The following CSMD3 variants were observed in gnomAD, a reference collection of about 807,000 sequenced individuals.
The protein encoded by CSMD3 is CUB and sushi domain-containing protein 3.
CSMD3 carries 177 observed loss-of-function variants against 435.2 expected under a neutral mutation model. The ratio of observed to expected loss-of-function variants is 0.41; its 90% confidence interval spans 0.36 to 0.46. CSMD3 has a LOEUF of 0.46. Among genes scored for constraint, CSMD3 ranks in the 20% least tolerant of loss-of-function variants. The pLI, the probability that CSMD3 is intolerant of heterozygous loss-of-function variation, is 0.34. For missense variants in CSMD3, 4,265 were observed against 4,504.6 expected, an observed-to-expected ratio of 0.95 and a Z score of 1.52; for synonymous variants, 1,656 against 1,520.5, an observed-to-expected ratio of 1.09 and a Z score of -2.07.
chr8:112,899,598 T>C (rs1240778144), intron 10 of CSMD3, among the ~76,000 whole-genome samples: 1 of 44,338 alleles, frequency 2.3e-5, no homozygotes, highest in East Asian at 1.0e-3. Context: ...GCTTGTCTAT[T>C]TTATATATAT....
intron 4 of CSMD3, among the ~76,000 whole-genome samples, chr8:113,161,486 C>T (rs1461341183): frequency 6.6e-6 from 1 of 151,964 alleles, no homozygotes; most frequent in Non-Finnish European, 1.5e-5. Context: ...AGTATATAAA[C>T]TTAAATATAT....
intron 32 of CSMD3, among the ~76,000 whole-genome samples, chr8:112,411,813 A>T (rs1239348042): frequency 6.6e-6 from 1 of 152,120 alleles, no homozygotes; most frequent in Non-Finnish European, 1.5e-5. Context: ...AAATGTTCTG[A>T]ATAGCCAAAG....
intron 5 of CSMD3, among the ~76,000 whole-genome samples, chr8:113,067,084 A>G (rs570310827): frequency 7.9e-5 from 12 of 152,098 alleles, no homozygotes; most frequent in Non-Finnish European, 1.0e-4. Context: ...GAGAATTCCA[A>G]TATTTTTTGT....
intron 17 of CSMD3, among the ~76,000 whole-genome samples, 170 bp downstream of exon 17, chr8:112,666,107 C>G (rs1440549834): frequency 6.6e-6 from 1 of 152,088 alleles, no homozygotes; most frequent in Non-Finnish European, 1.5e-5. Flanking sequence ...AGAAAATTAA[C>G]TTGGAAACAC....
intron 23 of CSMD3, among the ~76,000 whole-genome samples, chr8:112,582,367 C>T (rs189551764): frequency 7.2e-5 from 11 of 151,796 alleles, no homozygotes; most frequent in African/African-American, 2.7e-4. Flanking sequence ...ACCTCTTTTC[C>T]TTATATATTA....
chr8:113,005,177 T>C (rs2086011326), intron 6 of CSMD3, among the ~76,000 whole-genome samples: 1 of 151,844 alleles, frequency 6.6e-6, no homozygotes, highest in Non-Finnish European at 1.5e-5. Context: ...AGTCATTTGG[T>C]AAACCTAGAA....
chr8:113,422,352 A>T (rs1036615952), intron 1 of CSMD3, among the ~76,000 whole-genome samples: 3 of 152,222 alleles, frequency 2.0e-5, no homozygotes, highest in Non-Finnish European at 4.4e-5. Context: ...ATGCATGTGT[A>T]GCAAATCTGC....
At chr8:113,273,372 C>A (rs7001577) in intron 3 of CSMD3, among the ~76,000 whole-genome samples, 1 of 151,374 alleles carries the variant, frequency 6.6e-6, no homozygotes, top group Non-Finnish European at 1.5e-5. Context: ...TTGTTTTTTG[C>A]GGTTTCAGTT....
chr8:113,347,791 A>T (rs889852315), intron 1 of CSMD3, among the ~76,000 whole-genome samples: 3 of 152,144 alleles, frequency 2.0e-5, no homozygotes, highest in Admixed American at 2.0e-4. Context: ...ATGTTAAACA[A>T]ATAACGTTTT....
At chr8:112,917,758 G>C (rs1340254537) in intron 10 of CSMD3, among the ~76,000 whole-genome samples, 1 of 151,930 alleles carries the variant, frequency 6.6e-6, no homozygotes, top group African/African-American at 2.4e-5. Flanking sequence ...AAGTTTAGGA[G>C]TGCTTCTAGA....
chr8:112,257,829 C>A (rs990045683), intron 61 of CSMD3, among the ~76,000 whole-genome samples: 1 of 152,152 alleles, frequency 6.6e-6, no homozygotes, highest in African/African-American at 2.4e-5. Flanking sequence ...CCAAGATAAT[C>A]CTAAGCAAGA....
chr8:112,632,171 AC>A (rs1419090775), intron 22 of CSMD3, among the ~76,000 whole-genome samples: 1 of 152,022 alleles, frequency 6.6e-6, no homozygotes, highest in Non-Finnish European at 1.5e-5. Flanking sequence ...TTTTAGGTTA[AC>A]AGAGAAGTTA....
chr8:112,466,039 T>C (rs930014676), intron 32 of CSMD3, among the ~76,000 whole-genome samples: 7 of 150,664 alleles, frequency 4.6e-5, no homozygotes, highest in African/African-American at 1.5e-4. Context: ...TAATGACAAA[T>C]AGTAAACGCA....
intron 10 of CSMD3, among the ~76,000 whole-genome samples, chr8:112,897,694 C>CTCTGTGTGTG (rs1277884675): frequency 1.6e-4 from 15 of 91,038 alleles, no homozygotes; most frequent in African/African-American, 6.1e-4. Flanking sequence ...CTCTCTCTCT[C>CTCTGTGTGTG]TGTGTGTGTG....
At chr8:112,810,780 A>G (rs1587363532) in intron 12 of CSMD3, among the ~76,000 whole-genome samples, 2 of 152,238 alleles carry the variant, frequency 1.3e-5, no homozygotes, top group Admixed American at 1.3e-4. Context: ...AACTCTGAAT[A>G]AGTATTTTGG....
intron 4 of CSMD3, among the ~76,000 whole-genome samples, chr8:113,151,988 A>G (rs796405753): frequency 7.2e-5 from 11 of 152,154 alleles, no homozygotes; most frequent in African/African-American, 2.6e-4. Flanking sequence ...GTCCTTGAGT[A>G]CATTTCCAGA....
intron 37 of CSMD3, among the ~76,000 whole-genome samples, chr8:112,383,256 C>A (rs1458005238): frequency 1.3e-5 from 2 of 152,074 alleles, no homozygotes; most frequent in Non-Finnish European, 2.9e-5. Flanking sequence ...TATTGCTCAT[C>A]CTTTTCTTTT....
chr8:112,957,044 G>A (rs1483912867), intron 7 of CSMD3, among the ~76,000 whole-genome samples: 2 of 151,480 alleles, frequency 1.3e-5, no homozygotes, highest in African/African-American at 2.4e-5. Context: ...TATTTTTAAC[G>A]GAAAGAATAA....
intron 1 of CSMD3, among the ~76,000 whole-genome samples, chr8:113,369,433 G>T (rs760808953): frequency 6.6e-6 from 1 of 151,912 alleles, no homozygotes; most frequent in Non-Finnish European, 1.5e-5. Flanking sequence ...GAAAAAAAAG[G>T]AAACTGTTGT....
Sources: allele counts gnomAD v4.1 joint callset (sites outside exome capture counted in the v4.1 genomes callset), GRCh38; gene constraint gnomAD v4.1.1; transcripts MANE v1.5; gene names NCBI Gene and HGNC (gene_info 2026-07-23, HGNC 2026-07-21).